Variants in WDFY3 observed in about 807,000 individuals in gnomAD.
WDFY3 encodes WD repeat and FYVE domain-containing protein 3.
A neutral mutation model predicts 409.6 loss-of-function variants in WDFY3; 66 were observed. The ratio of observed to expected loss-of-function variants is 0.16; its 90% CI spans 0.13 to 0.20. WDFY3 has a LOEUF of 0.20. WDFY3 is among the 10% of genes least tolerant of loss of function. The pLI, the probability that WDFY3 is intolerant of heterozygous loss-of-function variation, is 1.00. For synonymous variants in WDFY3, 1,521 were observed against 1,537.1 expected, an observed-to-expected ratio of 0.99 and a Z score of 0.25; for missense variants, 3,031 against 4,298.1, an observed-to-expected ratio of 0.71 and a Z score of 8.24.
At chr4:84,899,677 C>G (rs1766093796) in intron 2 of WDFY3, among the ~76,000 whole-genome samples, 1 of 152,020 alleles carries the variant, frequency 6.6e-6, no homozygotes, top group Admixed American at 6.6e-5. Context: ...CAACAGAGAC[C>G]CTAAAGCATA....
At chr4:84,926,387 T>C (rs1769995694) in intron 2 of WDFY3, among the ~76,000 whole-genome samples, 1 of 151,728 alleles carries the variant, frequency 6.6e-6, no homozygotes, top group Admixed American at 6.6e-5. Context: ...TGAAAGAAAA[T>C]TGAATTAGAT....
At position 84,794,903 on chromosome 4, in the gene WDFY3, C is replaced by G; in HGVS notation, c.3244G>C (p.Ala1082Pro). 6.3e-7 allele frequency: 1 copy of G among 1,580,830 alleles called. No homozygotes were observed. The highest frequency in any genetic ancestry group is 8.6e-7 in the Non-Finnish European group (1 of 1,168,902). ...CCAGAACCAATGCCACTGACCACAG[C>G]CCCATCAATAAGACCTGTTGTGACG... Reference protein sequence around the residue: ...NTVTTGLIDGAVVSGIGSGER... With the variant: ...NTVTTGLIDGPVVSGIGSGER... Residue 1082 changes from alanine to proline, a missense_variant, in exon 20 of 68, where the codon GCT (alanine) becomes CCT (proline). Ala to Pro is a conservative substitution (Grantham distance 27). Around this residue, in one of 16 missense-constraint regions of WDFY3, gnomAD observed 1,322 missense variants for 1,697.9 expected, o/e 0.78. Coordinates refer to ENST00000295888, the MANE Select transcript of WDFY3 (RefSeq NM_014991.6).
At chr4:84,675,452 G>A (rs1318733619) in intron 67 of WDFY3, among the ~76,000 whole-genome samples, 2 of 152,168 alleles carry the variant, frequency 1.3e-5, no homozygotes, top group Non-Finnish European at 2.9e-5. Flanking sequence ...TCTGAACTTG[G>A]TGCTTTACAA....
At chr4:84,719,491 A>C (rs1237449015) in intron 47 of WDFY3, among the ~76,000 whole-genome samples, 1 of 152,218 alleles carries the variant, frequency 6.6e-6, no homozygotes. Context: ...GCACTATTAA[A>C]GCAACCAGAG....
chr4:84,960,731 G>A (rs993947017), intron 1 of WDFY3, among the ~76,000 whole-genome samples: 5 of 152,034 alleles, frequency 3.3e-5, no homozygotes, highest in African/African-American at 1.2e-4. Context: ...ACCCACCTTG[G>A]CCTCCCAAAG....
At chr4:84,874,632 C>A (rs766349591) in intron 3 of WDFY3, among the ~76,000 whole-genome samples, 1 of 152,144 alleles carries the variant, frequency 6.6e-6, no homozygotes, top group Non-Finnish European at 1.5e-5. Context: ...GTTTTCTCTG[C>A]TAATGATGCC....
chr4:84,724,428 T>C lies in WDFY3; in HGVS notation c.7439A>G (p.Lys2480Arg), dbSNP rs767919404. 6.2e-7 allele frequency: 1 copy of C among 1,603,746 alleles called. No individual in the cohort carries two copies. The highest frequency in any genetic ancestry group is 8.5e-7 in the Non-Finnish European group (1 of 1,175,996). Residue 2480 changes from lysine (K) to arginine (R), a missense_variant and splice_region_variant, in exon 46 of 68, where the codon AAA becomes AGA. By Grantham distance (26) the Lys-to-Arg change is conservative (BLOSUM62 2). Around this residue, in one of 16 missense-constraint regions of WDFY3, gnomAD observed 127 missense variants for 144.4 expected, o/e 0.88. Transcript: ENST00000295888. ...EHGEDTIAKVKGLVKPPLKRS... is the reference protein window; with the variant it reads ...EHGEDTIAKVRGLVKPPLKRS... Reference sequence around the variant, plus strand: ...CAAAATCAAAAAGGCAGGCTGACCTTTGACTTTAGCAATAGTGTCTTCCCC... The same window carrying C: ...CAAAATCAAAAAGGCAGGCTGACCTCTGACTTTAGCAATAGTGTCTTCCCC...
chr4:84,916,713 A>G (rs1040106191), intron 2 of WDFY3, among the ~76,000 whole-genome samples: 10 of 152,232 alleles, frequency 6.6e-5, no homozygotes, highest in Non-Finnish European at 1.3e-4. Context: ...CTCTTGATAA[A>G]TTGAAAATGA....
At chr4:84,925,245 A>T (rs1465729660) in intron 2 of WDFY3, among the ~76,000 whole-genome samples, 1 of 151,712 alleles carries the variant, frequency 6.6e-6, no homozygotes, top group Non-Finnish European at 1.5e-5. Flanking sequence ...CCTCAAAGAA[A>T]CCTCTCTTAA....
chr4:84,882,718 A>AT (rs761553554), intron 3 of WDFY3, among the ~76,000 whole-genome samples: 2,425 of 143,834 alleles, frequency 0.017, 23 homozygotes, highest in African/African-American at 0.034. Context: ...TTTCACCTAT[A>AT]TTTTTTTTTT....
Position 84,798,242 on chromosome 4 carries a change from AAT to A in WDFY3, c.2823-136_2823-135del, listed in dbSNP as rs1203203749. The A allele has an allele frequency of 1.8e-5, 12 of 683,778 alleles. No homozygotes were observed. The Admixed American group carries it at 2.2e-4, about 13-fold the overall frequency. The allele number at this position is 683,778 out of a possible 1,614,324, so 42.4% of individuals were successfully genotyped here. On this transcript the variant is annotated intron_variant, in intron 17 of 67. Coordinates refer to ENST00000295888, the MANE Select transcript of WDFY3 (RefSeq NM_014991.6). ...AAAAAAATGCAAAGTATAATAAAAC[AAT>A]ATAGTGTTAGTTTTACATTTAATCA...
intron 25 of WDFY3, among the ~76,000 whole-genome samples, chr4:84,780,996 G>T (rs1016110432): frequency 1.3e-5 from 2 of 152,030 alleles, no homozygotes; most frequent in Non-Finnish European, 2.9e-5. Context: ...ATCTGTTGGG[G>T]AATAACCTTG....
At chr4:84,742,338 T>C (rs896286045) in intron 37 of WDFY3, among the ~76,000 whole-genome samples, 2 of 152,180 alleles carry the variant, frequency 1.3e-5, no homozygotes, top group Admixed American at 6.5e-5. Flanking sequence ...AGCAGTGAAG[T>C]AACACAGACA....
chr4:84,752,115 C>A (rs1490985471), intron 35 of WDFY3, among the ~76,000 whole-genome samples: 1 of 151,878 alleles, frequency 6.6e-6, no homozygotes, highest in Non-Finnish European at 1.5e-5. Context: ...AAGGGGTGAT[C>A]CATTTATTAT....
rs1767873475 is a variant in WDFY3 at position 84,912,098 on chromosome 4, G to A, written c.-131-15088C>T. On this transcript the variant is annotated intron_variant, in intron 2 of 67. Transcript: ENST00000295888. ...CAACAAAATGTGTCTCAAGGTTCAT[G>A]CATATATTTTTCATCATGTTTAGCT... Among the ~76,000 whole-genome samples the A allele has an allele frequency of 2.6e-5, 4 of 152,302 alleles. No individual in the cohort carries two copies. The East Asian group carries it at 7.7e-4, about 29-fold the overall frequency.
intron 2 of WDFY3, among the ~76,000 whole-genome samples, chr4:84,919,494 T>C (rs2150837618): frequency 6.6e-6 from 1 of 152,208 alleles, no homozygotes; most frequent in East Asian, 1.9e-4. Flanking sequence ...GTAATATGGT[T>C]TGGCTGTGTC....
chr4:84,738,039 C>T (rs776740689), intron 40 of WDFY3, among the ~76,000 whole-genome samples: 1 of 152,156 alleles, frequency 6.6e-6, no homozygotes, highest in Non-Finnish European at 1.5e-5. Flanking sequence ...ATAATAACCG[C>T]ATCTTTGGTG....
intron 46 of WDFY3, among the ~76,000 whole-genome samples, chr4:84,723,298 TAAC>T (rs1735128678): frequency 2.6e-5 from 4 of 152,238 alleles, no homozygotes; most frequent in South Asian, 2.1e-4. Context: ...AGGTATGTCA[TAAC>T]AACAGGAGAA....
Position 84,724,453 on chromosome 4 carries a change from C to T in WDFY3, c.7414G>A (p.Gly2472Arg). The T allele has an allele frequency of 6.2e-7, 1 of 1,613,436 alleles. No individual in the cohort carries two copies. The highest frequency in any genetic ancestry group is 8.5e-7 in the Non-Finnish European group (1 of 1,179,760). The change falls in exon 46 of 68, where the codon GGG becomes AGG. Residue 2472 changes from glycine to arginine, a missense_variant. Gly to Arg is a moderately radical substitution (Grantham distance 125). Transcript: ENST00000295888. ...GEAAQQEPEHGEDTIAKVKGL... is the reference protein window; with the variant it reads ...GEAAQQEPEHREDTIAKVKGL... Reference sequence around the variant, plus strand: ...TTGACTTTAGCAATAGTGTCTTCCCCATGCTCTGGTTCTTGCTGAGCAGCT... The same window carrying T: ...TTGACTTTAGCAATAGTGTCTTCCCTATGCTCTGGTTCTTGCTGAGCAGCT...
Sources: gnomAD v4.1 joint callset for allele counts (sites outside exome capture counted in the v4.1 genomes callset) on GRCh38, gnomAD v4.1.1 for gene constraint, gnomAD v4.1.1 regional missense constraint, MANE v1.5 for transcripts, NCBI Gene and HGNC (gene_info 2026-07-23, HGNC 2026-07-21) for gene names.